The following SNTB1 variants were observed in gnomAD, a reference collection of about 807,000 sequenced individuals.
SNTB1 encodes the protein syntrophin beta 1.
Under a neutral mutation model 48.9 loss-of-function variants are expected in SNTB1, and 36 were observed. The observed-to-expected ratio is 0.74, with a 90% CI of 0.56 to 0.97. SNTB1 has a LOEUF of 0.97. Among genes scored for constraint, SNTB1 ranks in the 50% least tolerant of loss-of-function variants. The probability of loss-of-function intolerance (pLI) is 0.00; values close to 1 mark genes in which losing one functional copy is unlikely to be tolerated. For synonymous variants in SNTB1, 299 were observed against 294.6 expected, an observed-to-expected ratio of 1.01 and a Z score of -0.15; for missense variants, 786 against 703.4, an observed-to-expected ratio of 1.12 and a Z score of -1.33.
intron 3 of SNTB1, among the ~76,000 whole-genome samples, chr8:120,585,469 A>C (rs1415621065): frequency 6.6e-6 from 1 of 152,228 alleles, no homozygotes; most frequent in Non-Finnish European, 1.5e-5. Context: ...CTTAATAATC[A>C]AAACTCTTTA....
chr8:120,635,544 C>A, intron 2 of SNTB1: 1 of 157,818 alleles, frequency 6.3e-6, no homozygotes. Flanking sequence ...AGAACTCTAC[C>A]TCCACCATCT....
chr8:120,710,212 C>T, intron 1 of SNTB1, among the ~76,000 whole-genome samples: 1 of 152,142 alleles, frequency 6.6e-6, no homozygotes, highest in South Asian at 2.1e-4. Flanking sequence ...TATCTATGTT[C>T]CCTGATCTAA....
chr8:120,605,805 C>T (rs146867203), intron 3 of SNTB1, among the ~76,000 whole-genome samples: 1 of 152,266 alleles, frequency 6.6e-6, no homozygotes, highest in East Asian at 1.9e-4. Flanking sequence ...CAGTGCAATC[C>T]ATGGCCTGTG....
chr8:120,754,618 ACAT>A (rs1450979355), intron 1 of SNTB1, among the ~76,000 whole-genome samples: 1 of 152,190 alleles, frequency 6.6e-6, no homozygotes, highest in African/African-American at 2.4e-5. Flanking sequence ...AGATTAAATG[ACAT>A]CATGCATGTG....
intron 2 of SNTB1, among the ~76,000 whole-genome samples, chr8:120,645,134 G>A (rs1296905376): frequency 2.0e-5 from 3 of 151,500 alleles, no homozygotes; most frequent in African/African-American, 2.4e-5. Flanking sequence ...TCTGATGGTA[G>A]TTTCTTTTGC....
At chr8:120,579,730 AC>A (rs565616612) in intron 3 of SNTB1, among the ~76,000 whole-genome samples, 2 of 152,286 alleles carry the variant, frequency 1.3e-5, no homozygotes, top group African/African-American at 4.8e-5. Flanking sequence ...TAGAATCTTC[AC>A]ATGATTTCCA....
chr8:120,767,251 T>C (rs1438024166), intron 1 of SNTB1, among the ~76,000 whole-genome samples: 2 of 152,216 alleles, frequency 1.3e-5, no homozygotes, highest in African/African-American at 2.4e-5. Context: ...TCAGCGCTTA[T>C]GTTGACCCTT....
chr8:120,668,399 CA>C (rs1432794952), intron 2 of SNTB1, among the ~76,000 whole-genome samples: 1 of 152,214 alleles, frequency 6.6e-6, no homozygotes, highest in Non-Finnish European at 1.5e-5. Context: ...CCATCTTGGT[CA>C]CAGTGGAAGT....
intron 1 of SNTB1, among the ~76,000 whole-genome samples, chr8:120,772,810 G>A (rs1319536156): frequency 2.0e-5 from 3 of 152,102 alleles, no homozygotes; most frequent in African/African-American, 7.2e-5. Context: ...CTCATTCAAG[G>A]CTGGAGGGGC....
chr8:120,781,506 G>A (rs1396144036), intron 1 of SNTB1, among the ~76,000 whole-genome samples: 1 of 151,460 alleles, frequency 6.6e-6, no homozygotes. Flanking sequence ...TTTGAATTTA[G>A]ACTCACAAAG....
chr8:120,810,669 C>T (rs1820409155), intron 1 of SNTB1, among the ~76,000 whole-genome samples: 1 of 152,182 alleles, frequency 6.6e-6, no homozygotes, highest in South Asian at 2.1e-4. Context: ...ACATAACTCT[C>T]CAGGCATAAC....
chr8:120,571,226 GTTTCTGAGAATCA>G, intron 4 of SNTB1: 10 of 1,266,232 alleles, frequency 7.9e-6, no homozygotes, highest in Non-Finnish European at 1.0e-5. Context: ...TTCAACTTTT[GTTTCTGAGAATCA>G]TTTCAAGATG....
intron 2 of SNTB1, among the ~76,000 whole-genome samples, chr8:120,671,104 G>C (rs1369971869): frequency 6.6e-6 from 1 of 152,172 alleles, no homozygotes; most frequent in Non-Finnish European, 1.5e-5. Context: ...CAGATTTCCA[G>C]GCCCCTTTTT....
chr8:120,539,057 C>T (rs531299997), intron 6 of SNTB1, 88 bp from the exon 7 acceptor site: 3 of 912,712 alleles, frequency 3.3e-6, no homozygotes. Context: ...AATCTATATG[C>T]ACTTCCTTCT....
chr8:120,763,144 T>C (rs374963437), intron 1 of SNTB1, among the ~76,000 whole-genome samples: 4 of 152,226 alleles, frequency 2.6e-5, no homozygotes, highest in African/African-American at 9.6e-5. Flanking sequence ...TTTCTTTTGC[T>C]ATTTATTAAT....
At chr8:120,600,265 C>A (rs770083255) in intron 3 of SNTB1, among the ~76,000 whole-genome samples, 2 of 152,216 alleles carry the variant, frequency 1.3e-5, no homozygotes, top group Non-Finnish European at 2.9e-5. Flanking sequence ...TGGAACACTG[C>A]GCCCCTGGGA....
chr8:120,740,082 G>T (rs1819019189), intron 1 of SNTB1, among the ~76,000 whole-genome samples: 1 of 152,138 alleles, frequency 6.6e-6, no homozygotes, highest in African/African-American at 2.4e-5. Context: ...ATCTGTTTTT[G>T]CCAGAGGGTG....
intron 3 of SNTB1, among the ~76,000 whole-genome samples, chr8:120,591,561 C>T (rs566488024): frequency 7.2e-5 from 11 of 152,106 alleles, no homozygotes; most frequent in Admixed American, 4.6e-4. Context: ...ACAGAAAACA[C>T]GTTATCCATG....
chr8:120,733,548 C>T (rs1818888346), intron 1 of SNTB1, among the ~76,000 whole-genome samples: 1 of 152,214 alleles, frequency 6.6e-6, no homozygotes, highest in Non-Finnish European at 1.5e-5. Context: ...TCTGAGATTT[C>T]CAAACTACTT....
Sources: gnomAD v4.1 joint callset for allele counts (sites outside exome capture counted in the v4.1 genomes callset) on GRCh38, gnomAD v4.1.1 for gene constraint, MANE v1.5 for transcripts, NCBI Gene and HGNC (gene_info 2026-07-23, HGNC 2026-07-21) for gene names.